ZFAND4: variants seen among roughly 807,000 people sequenced by gnomAD.
The protein encoded by ZFAND4 is AN1-type zinc finger protein 4.
A neutral mutation model predicts 64.4 loss-of-function variants in ZFAND4; 43 were observed. The ratio of observed to expected loss-of-function variants is 0.67; its 90% CI spans 0.52 to 0.86. The LOEUF is 0.86. Ranked by LOEUF, ZFAND4 falls within the 40% of genes least tolerant of loss-of-function variation. The pLI is 0.00. For synonymous variants in ZFAND4, 296 were observed against 305.7 expected, an observed-to-expected ratio of 0.97 and a Z score of 0.33; for missense variants, 929 against 859.8, an observed-to-expected ratio of 1.08 and a Z score of -1.01.
chr10:45,632,441 AG>A (rs1272045524), intron 6 of ZFAND4, among the ~76,000 whole-genome samples: 8 of 152,184 alleles, frequency 5.3e-5, no homozygotes, highest in African/African-American at 1.7e-4. Flanking sequence ...TGATTTGTAA[AG>A]GCTATGTTTT....
intron 2 of ZFAND4, among the ~76,000 whole-genome samples, chr10:45,660,774 TG>T (rs1318349075): frequency 6.6e-6 from 1 of 152,118 alleles, no homozygotes; most frequent in Non-Finnish European, 1.5e-5. Context: ...AAATATTTAG[TG>T]TTGAAAGAAA....
At chr10:45,623,111 G>A (rs1324775103) in intron 8 of ZFAND4, among the ~76,000 whole-genome samples, 2 of 152,092 alleles carry the variant, frequency 1.3e-5, no homozygotes, top group Non-Finnish European at 2.9e-5. Flanking sequence ...AAAAACATAG[G>A]AAAATAACAA....
intron 1 of ZFAND4, among the ~76,000 whole-genome samples, chr10:45,668,265 T>C (rs2048963384): frequency 6.6e-6 from 1 of 152,228 alleles, no homozygotes; most frequent in South Asian, 2.1e-4. Context: ...CAGGGTAATA[T>C]TGGCCTTAGC....
At chr10:45,617,591 G>GAAAAAAAAAAAA (rs11362238) in intron 9 of ZFAND4, among the ~76,000 whole-genome samples, 1 of 71,080 alleles carries the variant, frequency 1.4e-5, no homozygotes, top group African/African-American at 5.4e-5. Flanking sequence ...TTACAGTACT[G>GAAAAAAAAAAAA]AAAAAAAAAA....
chr10:45,659,493 G>A (rs1470055198), intron 2 of ZFAND4, among the ~76,000 whole-genome samples: 1 of 152,100 alleles, frequency 6.6e-6, no homozygotes, highest in Non-Finnish European at 1.5e-5. Flanking sequence ...TTTCTAGCAA[G>A]TTGAAGATAA....
intron 5 of ZFAND4, among the ~76,000 whole-genome samples, chr10:45,644,438 G>A (rs980214077): frequency 1.3e-5 from 2 of 152,114 alleles, no homozygotes; most frequent in African/African-American, 4.8e-5. Context: ...AAAATTTACA[G>A]TAGAATATCT....
Position 45,645,763 on chromosome 10 carries a change from G to A in ZFAND4, c.569+2531C>T, listed in dbSNP as rs559869478. On this transcript the variant is annotated intron_variant, in intron 5 of 9. Coordinates refer to ENST00000344646, the MANE Select transcript of ZFAND4 (RefSeq NM_174890.4). ...AGAAATTTGCAGCAGATATATTTCC[G>A]AGCTCAAATTATAGGTCTAGCAGTG... Among the ~76,000 whole-genome samples, 265 of 152,108 alleles carry A rather than the reference G, an allele frequency of 1.7e-3. 2 individuals are homozygous for A. The highest frequency in any genetic ancestry group is 0.017 in the Middle Eastern group (5 of 294).
chr10:45,638,118 C>G (rs1299147173), intron 6 of ZFAND4, among the ~76,000 whole-genome samples: 2 of 152,086 alleles, frequency 1.3e-5, no homozygotes, highest in Non-Finnish European at 2.9e-5. Context: ...CTGACAATAT[C>G]AAGTGTTGAC....
intron 2 of ZFAND4, among the ~76,000 whole-genome samples, chr10:45,656,572 A>AACTT (rs1007373068): frequency 4.0e-4 from 60 of 151,222 alleles, no homozygotes; most frequent in Admixed American, 2.0e-3. Context: ...TGTAATGGAA[A>AACTT]ACTTAAAAGC....
intron 3 of ZFAND4, 31 bp from the exon 4 acceptor site, chr10:45,652,064 A>G: frequency 6.2e-7 from 1 of 1,604,388 alleles, no homozygotes; most frequent in Non-Finnish European, 8.5e-7. Flanking sequence ...AATAAATCAT[A>G]ATCATCAAAA....
In ZFAND4 at chr10:45,653,702, C is replaced by T. The variant is rs549045613; in HGVS notation, c.185-643G>A. Among the ~76,000 whole-genome samples the T allele has an allele frequency of 5.9e-5, 9 of 152,250 alleles. 1 individual carries two copies. The East Asian group carries it at 7.7e-4, about 13-fold the overall frequency. ...TGTCAAGGTTGAGGAGAACAGGGAA[C>T]GCATACACTGCTGGTGGGAATGCAA... On this transcript the variant is annotated intron_variant, in intron 2 of 9. Transcript: ENST00000344646.
intron 1 of ZFAND4, 49 bp from the exon 2 acceptor site, chr10:45,663,891 G>T: frequency 1.9e-6 from 1 of 540,254 alleles, no homozygotes; most frequent in Non-Finnish European, 3.0e-6. Context: ...AGTTGTATTT[G>T]TCCATAAAGA....
intron 4 of ZFAND4, among the ~76,000 whole-genome samples, chr10:45,648,774 A>C (rs985896123): frequency 2.6e-5 from 4 of 152,182 alleles, no homozygotes; most frequent in East Asian, 1.9e-4. Context: ...GACAGGGCTA[A>C]ACTAAAACAT....
chr10:45,663,924 A>G (rs2048637547), intron 1 of ZFAND4, 82 bp from the exon 2 acceptor site: 1 of 445,078 alleles, frequency 2.2e-6, no homozygotes, highest in African/African-American at 2.1e-5. Context: ...TGTGGCCCAT[A>G]TCAATCTTCC....
chr10:45,669,600 T>TC (rs2049049644), intron 1 of ZFAND4, among the ~76,000 whole-genome samples: 1 of 152,150 alleles, frequency 6.6e-6, no homozygotes, highest in Non-Finnish European at 1.5e-5. Context: ...TAGACCAGTA[T>TC]CCCTGATGAA....
intron 6 of ZFAND4, among the ~76,000 whole-genome samples, chr10:45,632,181 C>T (rs183819141): frequency 0.01 from 1,529 of 152,044 alleles, 21 homozygotes; most frequent in Non-Finnish European, 0.017. Context: ...GGTGAAACCC[C>T]GTCTCTAGTA....
At chr10:45,621,659 G>A (rs1021314166) in intron 8 of ZFAND4, among the ~76,000 whole-genome samples, 26 of 152,000 alleles carry the variant, frequency 1.7e-4, no homozygotes, top group Admixed American at 3.9e-4. Flanking sequence ...GGAGAATGGC[G>A]TGAACCTGGG....
intron 5 of ZFAND4, among the ~76,000 whole-genome samples, chr10:45,645,139 G>A (rs2047291152): frequency 6.6e-6 from 1 of 151,956 alleles, no homozygotes; most frequent in African/African-American, 2.4e-5. Context: ...GCACCACCAG[G>A]CCCAGCTAAT....
intron 6 of ZFAND4, among the ~76,000 whole-genome samples, chr10:45,633,215 CAAA>C (rs201868878): frequency 3.4e-5 from 3 of 88,044 alleles, no homozygotes; most frequent in Admixed American, 1.2e-4. Context: ...ATCAAGTTGA[CAAA>C]AAAAAAAAAA....
Sources: gnomAD v4.1 joint callset for allele counts (sites outside exome capture counted in the v4.1 genomes callset) on GRCh38, gnomAD v4.1.1 for gene constraint, MANE v1.5 for transcripts, NCBI Gene and HGNC (gene_info 2026-07-23, HGNC 2026-07-21) for gene names.